Variants in DENND2B observed in about 807,000 individuals in gnomAD.
DENND2B encodes DENN domain-containing protein 2B.
Under a neutral mutation model 116.0 loss-of-function variants are expected in DENND2B, and 32 were observed. The observed-to-expected ratio is 0.28, with a 90% CI of 0.21 to 0.37. The LOEUF is 0.37. Ranked by LOEUF, DENND2B falls within the 10% of genes least tolerant of loss-of-function variation. DENND2B has a pLI of 1.00. For synonymous variants in DENND2B, 588 were observed against 583.9 expected (o/e 1.01, Z -0.10); for missense variants, 1,276 against 1,477.7 (o/e 0.86, Z 2.24).
chr11:8,803,372 G>C (rs559716323), intron 1 of DENND2B, among the ~76,000 whole-genome samples: 1 of 152,056 alleles, frequency 6.6e-6, no homozygotes, highest in Admixed American at 6.6e-5. Context: ...GCGACCGAGC[G>C]AGACTCTGTC....
intron 1 of DENND2B, among the ~76,000 whole-genome samples, chr11:8,767,589 T>G (rs1220446844): frequency 1.3e-5 from 2 of 152,124 alleles, no homozygotes; most frequent in Admixed American, 1.3e-4. Context: ...TTACTAATAT[T>G]CGTCAAAAAA....
chr11:8,894,182 A>C (rs1370317451), intron 1 of DENND2B, among the ~76,000 whole-genome samples: 1 of 152,196 alleles, frequency 6.6e-6, no homozygotes, highest in Non-Finnish European at 1.5e-5. Flanking sequence ...TGCTGGGAAA[A>C]CTTGCTAGCC....
At chr11:8,736,601 G>A (rs2049090842) in intron 2 of DENND2B, among the ~76,000 whole-genome samples, 1 of 152,160 alleles carries the variant, frequency 6.6e-6, no homozygotes. Context: ...AGCCCCTCTT[G>A]CCAGGGGACA....
Position 8,695,501 on chromosome 11 carries a change from G to C in DENND2B, c.3341C>G (p.Thr1114Ser). ...AAACTTATTCATTCCACTCTGCTCA[G>C]TGTCTGGGAGTTCTTCTAAGTACTG... ...VEQYLEELPD[T>S]EQSGMNKFLR... Residue 1114 changes from threonine to serine, a missense_variant, in exon 19 of 20, where the codon ACT becomes AGT. By Grantham distance (58) the Thr-to-Ser change is moderately conservative (BLOSUM62 1). Around this residue, in one of 2 missense-constraint regions of DENND2B, gnomAD observed 420 missense variants for 631.1 expected, o/e 0.67. Coordinates refer to ENST00000313726, the MANE Select transcript of DENND2B (RefSeq NM_213618.2). 6.2e-7 allele frequency: 1 copy of C among 1,613,934 alleles called. No individual in the cohort carries two copies. Among genetic ancestry groups the C allele is most frequent in the Non-Finnish European group, 8.5e-7 (1 of 1,180,024 alleles).
At chr11:8,735,861 G>A (rs1478164408) in intron 2 of DENND2B, among the ~76,000 whole-genome samples, 1 of 152,260 alleles carries the variant, frequency 6.6e-6, no homozygotes, top group East Asian at 1.9e-4. Flanking sequence ...TGCACAGCAG[G>A]TGTCATCCCC....
At chr11:8,903,398 CAG>C (rs1396069310) in intron 1 of DENND2B, among the ~76,000 whole-genome samples, 1 of 138,488 alleles carries the variant, frequency 7.2e-6, no homozygotes, top group Non-Finnish European at 1.5e-5. Flanking sequence ...GCCTGGGTGA[CAG>C]AGTGAGACTG....
At chr11:8,881,440 T>C (rs936259805) in intron 1 of DENND2B, among the ~76,000 whole-genome samples, 12 of 152,244 alleles carry the variant, frequency 7.9e-5, no homozygotes, top group African/African-American at 2.9e-4. Flanking sequence ...TTTGTTCTAC[T>C]GTATGGGAAA....
rs761628009 is a variant in DENND2B at position 8,711,209 on chromosome 11, A to G, written c.2195T>C (p.Met732Thr). The G allele has an allele frequency of 9.3e-6, 15 of 1,613,950 alleles. No individual in the cohort carries two copies. The highest frequency in any genetic ancestry group is 1.3e-5 in the Non-Finnish European group (15 of 1,180,008). Reference sequence around the variant, plus strand: ...TTTGAGCCTTTCCTCTGCCTCTCGCATCTGCTTGGTGGGTCGGTCCAGCTG... The same window carrying G: ...TTTGAGCCTTTCCTCTGCCTCTCGCGTCTGCTTGGTGGGTCGGTCCAGCTG... ...FPKLDRPTKQ[M>T]REAEERLKAI... is the part of the protein sequence containing the mutation. Residue 732 changes from methionine to threonine, a missense_variant, in exon 10 of 20, where the codon ATG becomes ACG. Met to Thr is a moderately conservative substitution (Grantham distance 81, BLOSUM62 -1). Transcript: ENST00000313726.
intron 2 of DENND2B, among the ~76,000 whole-genome samples, chr11:8,749,749 C>T (rs2052004300): frequency 6.6e-6 from 1 of 152,220 alleles, no homozygotes; most frequent in Admixed American, 6.5e-5. Context: ...TCATAGCTAT[C>T]CATCTTAGAG....
At chr11:8,873,404 A>G (rs1412987085), upstream of DENND2B, among the ~76,000 whole-genome samples, 1 of 152,240 alleles carries the variant, frequency 6.6e-6, no homozygotes, top group Non-Finnish European at 1.5e-5. Flanking sequence ...TTCTTAGGAA[A>G]AAAACTTCAT....
At chr11:8,910,951 CG>C (rs60790352), upstream of DENND2B, 1 of 31,868 alleles carries the variant, frequency 3.1e-5, no homozygotes. Flanking sequence ...CCCCGACCCC[CG>C]GCCCCCGACC....
upstream of DENND2B, among the ~76,000 whole-genome samples, chr11:8,875,121 A>G (rs2063828653): frequency 6.6e-6 from 1 of 152,076 alleles, no homozygotes; most frequent in Non-Finnish European, 1.5e-5. Flanking sequence ...CAGGAGATGG[A>G]GACCATCCTG....
intron 1 of DENND2B, among the ~76,000 whole-genome samples, chr11:8,907,988 C>T (rs551035106): frequency 7.9e-5 from 12 of 152,270 alleles, no homozygotes; most frequent in African/African-American, 2.9e-4. Context: ...AGGTGTGAGC[C>T]ACCACAAAGC....
chr11:8,815,226 T>C (rs1439949342), upstream of DENND2B, among the ~76,000 whole-genome samples: 1 of 152,024 alleles, frequency 6.6e-6, no homozygotes, highest in African/African-American at 2.4e-5. Flanking sequence ...AAAAATACAT[T>C]TTTACTAAAA....
rs570406595 is a variant in DENND2B at position 8,705,780 on chromosome 11, A to C, written c.2571+1305T>G. On this transcript the variant is annotated intron_variant, in intron 13 of 19. Transcript: ENST00000313726. ...TACTCCCTATTTCCAATCAAACGCA[A>C]AGTGCTATTGGTCCTAATTCTAAAA... Among the ~76,000 whole-genome samples the C allele has an allele frequency of 4.7e-4, 71 of 152,140 alleles. 1 individual carries two copies. The South Asian group carries it at 0.014, about 30-fold the overall frequency.
At chr11:8,876,840 C>T (rs780782666) in intron 2 of DENND2B, among the ~76,000 whole-genome samples, 3 of 149,154 alleles carry the variant, frequency 2.0e-5, no homozygotes, top group African/African-American at 5.0e-5. Flanking sequence ...GATTGTGCCA[C>T]TGCACATCAG....
Position 8,726,213 on chromosome 11 carries a change from T to G in DENND2B, c.1341-4A>C, listed in dbSNP as rs754560210. 20 of 1,606,136 alleles carry G rather than the reference T, an allele frequency of 1.2e-5. No individual in the cohort carries two copies. The highest frequency in any genetic ancestry group is 3.4e-6 in the Non-Finnish European group (4 of 1,176,382). On this transcript the variant is annotated splice_polypyrimidine_tract_variant and splice_region_variant and intron_variant, in intron 3 of 19. Coordinates refer to ENST00000313726, the MANE Select transcript of DENND2B (RefSeq NM_213618.2). The stretch of plus-strand genomic sequence containing the variant: ...ATCCTCAAACTCAAAGGATTTTCTG[T>G]GGATAACAAGAGCAAGAGTCATTCC...
chr11:8,694,667 G>A (rs969084890), intron 19 of DENND2B: 2 of 455,782 alleles, frequency 4.4e-6, no homozygotes, highest in Admixed American at 2.4e-5. Context: ...ACCAACTGGA[G>A]ATCAAGAATA....
At chr11:8,713,627 G>A (rs770869459) in intron 8 of DENND2B, among the ~76,000 whole-genome samples, 2 of 152,104 alleles carry the variant, frequency 1.3e-5, no homozygotes, top group Middle Eastern at 3.2e-3. Flanking sequence ...TGATCTGCCC[G>A]CCTTGGCCTC....
Sources: gnomAD v4.1 joint callset for allele counts (sites outside exome capture counted in the v4.1 genomes callset) on GRCh38, gnomAD v4.1.1 for gene constraint, gnomAD v4.1.1 regional missense constraint, MANE v1.5 for transcripts, NCBI Gene and HGNC (gene_info 2026-07-23, HGNC 2026-07-21) for gene names.